Variants in PCDH10 observed in about 807,000 individuals in gnomAD.
PCDH10 encodes the protein protocadherin 10.
Under a neutral mutation model 74.4 loss-of-function variants are expected in PCDH10, and 15 were observed. The ratio of observed to expected loss-of-function variants is 0.20; its 90% confidence interval spans 0.13 to 0.31. The LOEUF is 0.31. PCDH10 is among the 10% of genes least tolerant of loss of function. The pLI is 1.00. For synonymous variants in PCDH10, 619 were observed against 589.8 expected, an observed-to-expected ratio of 1.05 and a Z score of -0.72; for missense variants, 1,260 against 1,390.2, an observed-to-expected ratio of 0.91 and a Z score of 1.49.
rs1354752045 is a variant in PCDH10 at position 133,149,876 on chromosome 4, A to G, written c.-265A>G. ...CTATTGTATTATTGTTATTTTATTA[A>G]TTAGTCAGTGGAAAGATTACAGATG... On this transcript the variant is annotated 5_prime_UTR_variant, in exon 1 of 5. Coordinates refer to ENST00000264360, the MANE Select transcript of PCDH10 (RefSeq NM_032961.3). 2 of 352,108 alleles carry G rather than the reference A, an allele frequency of 5.7e-6. No homozygotes were observed. The highest frequency in any genetic ancestry group is 4.2e-5 in the African/African-American group (2 of 47,576). The allele number at this position is 352,108 out of a possible 1,614,324, so 21.8% of individuals were successfully genotyped here.
intron 4 of PCDH10, among the ~76,000 whole-genome samples, chr4:133,183,306 T>G (rs1460725908): frequency 3.3e-5 from 5 of 152,114 alleles, no homozygotes; most frequent in Non-Finnish European, 7.4e-5. Flanking sequence ...CAGTTGTAAA[T>G]GTACTGTTAC....
chr4:133,179,012 A>T (rs909301536), intron 4 of PCDH10, among the ~76,000 whole-genome samples: 3 of 152,076 alleles, frequency 2.0e-5, no homozygotes. Context: ...TAAGCATCTC[A>T]TTTCATCTCT....
At chr4:133,184,798 A>T (rs1324806140) in intron 4 of PCDH10, among the ~76,000 whole-genome samples, 2 of 140,110 alleles carry the variant, frequency 1.4e-5, no homozygotes, top group Non-Finnish European at 3.1e-5. Context: ...ATATATATTT[A>T]TATATATATA....
chr4:133,197,723 C>A (rs1310217039), downstream of PCDH10, among the ~76,000 whole-genome samples: 1 of 152,144 alleles, frequency 6.6e-6, no homozygotes, highest in African/African-American at 2.4e-5. Flanking sequence ...ATTTAGATAA[C>A]ATTGCAATCA....
chr4:133,167,120 C>T (rs779907669), intron 4 of PCDH10, among the ~76,000 whole-genome samples: 1 of 151,316 alleles, frequency 6.6e-6, no homozygotes, highest in Non-Finnish European at 1.5e-5. Flanking sequence ...CAACTTGACG[C>T]ACCCATATGA....
At chr4:133,155,064 A>G (rs779581736) in intron 3 of PCDH10, 41 bp downstream of exon 3, 25 of 1,356,368 alleles carry the variant, frequency 1.8e-5, no homozygotes, top group Non-Finnish European at 2.5e-5. Flanking sequence ...TAACTTTTAT[A>G]GTTTTTGTTT....
At position 133,193,080 on chromosome 4, in the gene PCDH10, C is replaced by A. The variant is rs1054680316; in HGVS notation, c.*2920C>A. On this transcript the variant is annotated 3_prime_UTR_variant, in exon 5 of 5. Transcript: ENST00000264360. Reference sequence around the variant, plus strand: ...TGGTTAGTTTTAGAGCAGTCAAAGTCAAAAAAAATTTCCTGTGGAAACAGT... The same window carrying A: ...TGGTTAGTTTTAGAGCAGTCAAAGTAAAAAAAAATTTCCTGTGGAAACAGT... 45 of 151,040 alleles carry A rather than the reference C, an allele frequency of 3.0e-4. No homozygotes were observed. Among genetic ancestry groups the A allele is most frequent in the African/African-American group, 1.1e-3 (45 of 41,244 alleles). 9.4% of individuals were successfully genotyped at this position (151,040 alleles called of 1,614,324 possible).
chr4:133,189,797 G>A (rs1727620470), intron 4 of PCDH10, among the ~76,000 whole-genome samples: 1 of 151,786 alleles, frequency 6.6e-6, no homozygotes, highest in Non-Finnish European at 1.5e-5. Flanking sequence ...GAAATGTAAG[G>A]GCCACACATT....
intron 4 of PCDH10, among the ~76,000 whole-genome samples, chr4:133,172,091 G>T (rs981205988): frequency 1.3e-5 from 2 of 151,966 alleles, no homozygotes; most frequent in Non-Finnish European, 2.9e-5. Flanking sequence ...AATCTTCCAT[G>T]TTTTCCATCA....
downstream of PCDH10, among the ~76,000 whole-genome samples, chr4:133,196,780 G>T (rs2125876084): frequency 6.6e-6 from 1 of 152,352 alleles, no homozygotes; most frequent in East Asian, 1.9e-4. Context: ...GCAAGATGGA[G>T]TTGGCTAGTT....
chr4:133,159,697 G>A (rs1371927020), intron 3 of PCDH10, among the ~76,000 whole-genome samples: 3 of 151,834 alleles, frequency 2.0e-5, no homozygotes, highest in African/African-American at 7.2e-5. Context: ...ATTTAATTGA[G>A]TTTTGGTCTG....
intron 4 of PCDH10, among the ~76,000 whole-genome samples, chr4:133,170,524 T>C (rs2125866267): frequency 6.6e-6 from 1 of 152,242 alleles, no homozygotes; most frequent in East Asian, 1.9e-4. Flanking sequence ...TTTTAATCAG[T>C]TAAATTTAAT....
At chr4:133,158,500 G>A (rs574592378) in intron 3 of PCDH10, among the ~76,000 whole-genome samples, 1 of 152,074 alleles carries the variant, frequency 6.6e-6, no homozygotes, top group Non-Finnish European at 1.5e-5. Context: ...TTCAGTTATA[G>A]GAGAACTTAT....
At chr4:133,176,189 A>T (rs1410603224) in intron 4 of PCDH10, among the ~76,000 whole-genome samples, 1 of 152,078 alleles carries the variant, frequency 6.6e-6, no homozygotes, top group Non-Finnish European at 1.5e-5. Flanking sequence ...CTATGGATTT[A>T]TGAGTGACCT....
rs1578554092 is a variant in PCDH10 at position 133,150,091 on chromosome 4, T to G, written c.-50T>G. 4.9e-6 allele frequency: 7 copies of G among 1,436,966 alleles called. No homozygotes were observed. The highest frequency in any genetic ancestry group is 5.5e-6 in the Non-Finnish European group (6 of 1,091,000). 89.0% of individuals were successfully genotyped at this position (1,436,966 alleles called of 1,614,324 possible). A position where few individuals can be genotyped will look rare whatever the true frequency, so the allele number is the denominator to read the frequency against. On this transcript the variant is annotated 5_prime_UTR_variant, in exon 1 of 5. Transcript: ENST00000264360. ...TTTTGTTTCGTGGTGGTGGGGGAGG[T>G]GATTGGGTGGCTGACTGGCTGCGGG...
intron 4 of PCDH10, among the ~76,000 whole-genome samples, chr4:133,186,807 T>G (rs928291015): frequency 6.6e-6 from 1 of 152,112 alleles, no homozygotes; most frequent in Non-Finnish European, 1.5e-5. Flanking sequence ...AACCTCCACT[T>G]CATAGATTCA....
At chr4:133,152,930 CCTT>C (rs1181125462) in intron 1 of PCDH10, 159 bp downstream of exon 1, 55 of 1,455,996 alleles carry the variant, frequency 3.8e-5, no homozygotes, top group Non-Finnish European at 5.0e-5. Context: ...TTCTCCCACT[CCTT>C]CGTGTGTAAC....
chr4:133,183,943 G>C (rs186596951), intron 4 of PCDH10, among the ~76,000 whole-genome samples: 2 of 151,904 alleles, frequency 1.3e-5, no homozygotes, highest in Admixed American at 1.3e-4. Flanking sequence ...TCACAAAACT[G>C]TTTGCCGATT....
At chr4:133,153,011 T>G (rs1395882782) in intron 1 of PCDH10, 1 of 1,434,486 alleles carries the variant, frequency 7.0e-7, no homozygotes, top group Non-Finnish European at 9.1e-7. Context: ...TTTGCCACCT[T>G]GGAGCTCCCT....
Sources: gnomAD v4.1 joint callset for allele counts (sites outside exome capture counted in the v4.1 genomes callset) on GRCh38, gnomAD v4.1.1 for gene constraint, MANE v1.5 for transcripts, NCBI Gene and HGNC (gene_info 2026-07-23, HGNC 2026-07-21) for gene names.